Variants in TENM4 observed in about 807,000 individuals in gnomAD.
TENM4 encodes teneurin-4.
TENM4 carries 82 observed loss-of-function variants against 243.3 expected under a neutral mutation model. The ratio of observed to expected loss-of-function variants is 0.34; its 90% confidence interval spans 0.28 to 0.40. The LOEUF is 0.40. Ranked by LOEUF, TENM4 falls within the 10% of genes least tolerant of loss-of-function variation. The pLI, the probability that TENM4 is intolerant of heterozygous loss-of-function variation, is 1.00. For synonymous variants in TENM4, 1,412 were observed against 1,456.3 expected (o/e 0.97, Z 0.69); for missense variants, 3,138 against 3,673.3 (o/e 0.85, Z 3.77).
At position 78,848,332 on chromosome 11, in the gene TENM4, C is replaced by T. The variant is rs138952562; in HGVS notation, c.1681+5772G>A. On this transcript the variant is annotated intron_variant, in intron 12 of 33. Transcript: ENST00000278550. Reference sequence around the variant, plus strand: ...CTTAAAGAATAAACTTTTTGCTTAGCGTGGCATTTAAGGCTCTCCTTGATA... The same window carrying T: ...CTTAAAGAATAAACTTTTTGCTTAGTGTGGCATTTAAGGCTCTCCTTGATA... Among the ~76,000 whole-genome samples, 13 of 152,208 alleles carry T rather than the reference C, an allele frequency of 8.5e-5. No homozygotes were observed. In the East Asian group the frequency reaches 2.3e-3, roughly 27 times the overall value.
rs1040166037 is a variant in TENM4 at position 79,343,523 on chromosome 11, T to C, written c.-320-45980A>G. 3.9e-5 allele frequency among the ~76,000 whole-genome samples: 6 copies of C among 152,318 alleles called. No homozygotes were observed. In the East Asian group the frequency reaches 1.2e-3, roughly 29 times the overall value. ...TGTGAGCATTAAAAAAGTAGCAATG[T>C]TAACCTATATAAAGCAGATAGTAGA... On this transcript the variant is annotated intron_variant, in intron 1 of 33. Coordinates refer to ENST00000278550, the MANE Select transcript of TENM4 (RefSeq NM_001098816.3).
chr11:79,361,930 A>G (rs1026466276), intron 1 of TENM4, among the ~76,000 whole-genome samples: 1 of 152,206 alleles, frequency 6.6e-6, no homozygotes, highest in Non-Finnish European at 1.5e-5. Context: ...TGCAAGTAAC[A>G]TATGTTTACT....
intron 4 of TENM4, among the ~76,000 whole-genome samples, chr11:79,136,682 C>T (rs575773947): frequency 1.3e-5 from 2 of 152,270 alleles, no homozygotes; most frequent in African/African-American, 2.4e-5. Flanking sequence ...CTATCCTTCA[C>T]GCAATGCTTC....
intron 19 of TENM4, among the ~76,000 whole-genome samples, chr11:78,749,814 T>C (rs565985917): frequency 3.3e-5 from 5 of 152,312 alleles, no homozygotes; most frequent in Admixed American, 3.3e-4. Context: ...TAGGTCCTGA[T>C]TGAGATGAAA....
chr11:78,741,517 TA>T (rs1855929678), intron 19 of TENM4, among the ~76,000 whole-genome samples: 1 of 152,206 alleles, frequency 6.6e-6, no homozygotes, highest in Non-Finnish European at 1.5e-5. Flanking sequence ...AGAGCAAACG[TA>T]ACATCAAACA....
At chr11:79,071,931 TG>T (rs1860423743) in intron 4 of TENM4, among the ~76,000 whole-genome samples, 1 of 152,180 alleles carries the variant, frequency 6.6e-6, no homozygotes, top group African/African-American at 2.4e-5. Flanking sequence ...GACACTGTTT[TG>T]GTTCCCGATT....
rs565864604 is a variant in TENM4 at position 78,754,422 on chromosome 11, CAGG to C, written c.2756+2380_2756+2382del. Among the ~76,000 whole-genome samples the C allele has an allele frequency of 1.8e-3, 276 of 152,272 alleles. 1 individual carries two copies. Among genetic ancestry groups the C allele is most frequent in the African/African-American group, 6.4e-3 (264 of 41,550 alleles). On this transcript the variant is annotated intron_variant, in intron 19 of 33. Transcript: ENST00000278550. ...TTAAGCAGCAGGCTCAGGAAGTGAC[CAGG>C]AGGACATACAGGAGACGTGTCCCTG...
chr11:78,889,069 G>T (rs681655), intron 9 of TENM4, among the ~76,000 whole-genome samples: 44,196 of 152,098 alleles, frequency 0.29, 6,960 homozygotes, highest in African/African-American at 0.4. Context: ...GACTGCACAG[G>T]GGGAGCCATC....
chr11:79,028,365 C>T (rs1363843917), intron 6 of TENM4, among the ~76,000 whole-genome samples: 1 of 152,194 alleles, frequency 6.6e-6, no homozygotes, highest in African/African-American at 2.4e-5. Context: ...GATTTGCTGG[C>T]AGGAGGCTTC....
rs1855475926 is a variant in TENM4, at chr11:79,244,276, G to GAGCA, written c.-264-28371_-264-28368dup. Among the ~76,000 whole-genome samples the GAGCA allele has an allele frequency of 2.0e-5, 3 of 152,336 alleles. No homozygotes were observed. In the South Asian group the frequency reaches 6.2e-4, roughly 32 times the overall value. On this transcript the variant is annotated intron_variant, in intron 2 of 33. Coordinates refer to ENST00000278550, the MANE Select transcript of TENM4 (RefSeq NM_001098816.3). ...TGTGGCTCCACCGGGGGTGAGCAGG[G>GAGCA]AGCAGTTCTCGGCCTGCTCCAGTGC...
intron 6 of TENM4, among the ~76,000 whole-genome samples, chr11:79,057,375 C>T: frequency 6.6e-6 from 1 of 152,104 alleles, no homozygotes; most frequent in Non-Finnish European, 1.5e-5. Flanking sequence ...GGCCCTAGCA[C>T]CTGCCCTTCC....
chr11:78,971,377 A>G (rs925035070), intron 6 of TENM4, among the ~76,000 whole-genome samples: 1 of 152,138 alleles, frequency 6.6e-6, no homozygotes, highest in Non-Finnish European at 1.5e-5. Context: ...ATCTCGGCTC[A>G]CTGCAACCTC....
intron 25 of TENM4, among the ~76,000 whole-genome samples, chr11:78,718,664 T>C (rs529765079): frequency 2.6e-5 from 4 of 152,346 alleles, no homozygotes; most frequent in South Asian, 4.1e-4. Flanking sequence ...CTGTGTTTTC[T>C]GTACAACTGA....
rs982092823 is a variant in TENM4 at position 78,921,569 on chromosome 11, C to T, written c.494-18046G>A. On this transcript the variant is annotated intron_variant, in intron 6 of 33. Coordinates refer to ENST00000278550, the MANE Select transcript of TENM4 (RefSeq NM_001098816.3). ...GTATGAGCCTGACTGTACAGCATAG[C>T]GGGGCTGTAGCCAAAGCAACCAGGC... is the stretch of plus-strand genomic sequence containing the variant. Among the ~76,000 whole-genome samples, 8 of 152,276 alleles carry T rather than the reference C, an allele frequency of 5.3e-5. No homozygotes were observed. In the South Asian group the frequency reaches 6.2e-4, roughly 12 times the overall value.
intron 1 of TENM4, among the ~76,000 whole-genome samples, chr11:79,366,994 A>G (rs1328821634): frequency 6.6e-6 from 1 of 152,242 alleles, no homozygotes; most frequent in Admixed American, 6.5e-5. Flanking sequence ...GAAAATAATA[A>G]TACAATAGGT....
At chr11:78,917,518 G>A (rs777960977) in intron 6 of TENM4, among the ~76,000 whole-genome samples, 1 of 152,022 alleles carries the variant, frequency 6.6e-6, no homozygotes, top group Non-Finnish European at 1.5e-5. Context: ...TATCGGCTCA[G>A]GAGATCTTGG....
chr11:79,342,368 C>T (rs1857256154), intron 1 of TENM4, among the ~76,000 whole-genome samples: 1 of 152,138 alleles, frequency 6.6e-6, no homozygotes, highest in East Asian at 1.9e-4. Flanking sequence ...GATAAAGTCC[C>T]ATGGGGAAGG....
In TENM4 at chr11:79,025,596, C is replaced by A. The variant is rs114778481; in HGVS notation, c.493+39142G>T. Among the ~76,000 whole-genome samples the A allele has an allele frequency of 1.7e-3, 255 of 152,276 alleles. 1 individual carries two copies. The highest frequency in any genetic ancestry group is 6.0e-3 in the African/African-American group (248 of 41,552). On this transcript the variant is annotated intron_variant, in intron 6 of 33. Transcript: ENST00000278550. Reference sequence around the variant, plus strand: ...GGTAGGTATTATTATTATCTCTATTCTCTGGATGAGGAAACTGAGGTTGCA... The same window carrying A: ...GGTAGGTATTATTATTATCTCTATTATCTGGATGAGGAAACTGAGGTTGCA...
In TENM4 at chr11:78,672,018, G is replaced by C; in HGVS notation, c.5793+15C>G. ...TGTATGGCAAGGCCAGTGATGCAGG[G>C]AGACAGACACCTGCCTTCTCTAAGT... On this transcript the variant is annotated intron_variant, in intron 31 of 33. Coordinates refer to ENST00000278550, the MANE Select transcript of TENM4 (RefSeq NM_001098816.3). 1 of 1,606,120 alleles carries C rather than the reference G, an allele frequency of 6.2e-7. No homozygotes were observed. The highest frequency in any genetic ancestry group is 8.5e-7 in the Non-Finnish European group (1 of 1,175,138).
Sources: gnomAD v4.1 joint callset for allele counts (sites outside exome capture counted in the v4.1 genomes callset) on GRCh38, gnomAD v4.1.1 for gene constraint, MANE v1.5 for transcripts, NCBI Gene and HGNC (gene_info 2026-07-23, HGNC 2026-07-21) for gene names.